NLGN4Y: variants seen among roughly 807,000 people sequenced by gnomAD.
The protein encoded by NLGN4Y is neuroligin-4, Y-linked.
NLGN4Y carries 4 observed loss-of-function variants against 8.4 expected under a neutral mutation model. The observed-to-expected ratio is 0.48, with a 90% CI of 0.23 to 1.09. The LOEUF (loss-of-function observed/expected upper bound fraction) is 1.09. Among genes scored for constraint, NLGN4Y ranks in the 50% least tolerant of loss-of-function variants. The pLI, the probability that NLGN4Y is intolerant of heterozygous loss-of-function variation, is 0.19. For synonymous variants in NLGN4Y, 35 were observed against 75.6 expected, an observed-to-expected ratio of 0.46 and a Z score of 2.78; for missense variants, 90 against 192.3, an observed-to-expected ratio of 0.47 and a Z score of 3.15.
At position 14,628,358 on chromosome Y, in the gene NLGN4Y, G is replaced by A. The variant is rs1006629767; in HGVS notation, c.472+5767G>A. Among the ~76,000 whole-genome samples the A allele has an allele frequency of 1.5e-4, 5 of 33,869 alleles. No homozygotes were observed. The East Asian group carries it at 3.9e-3, about 26-fold the overall frequency. 90.9% of individuals were successfully genotyped at this position (33,869 alleles called of 37,273 possible). ...TCTATTACTTAAGTAAACATGCCAC[G>A]ATTAGTGATTGAAGACCTATTCGGT... is the stretch of plus-strand genomic sequence containing the variant. On this transcript the variant is annotated intron_variant, in intron 2 of 6. Coordinates refer to ENST00000684976, the MANE Select transcript of NLGN4Y (RefSeq NM_001365588.1).
intron 4 of NLGN4Y, among the ~76,000 whole-genome samples, chrY:14,788,962 CT>C (rs377294035): frequency 2.9e-4 from 8 of 27,223 alleles, no homozygotes; most frequent in South Asian, 1.7e-3. Context: ...CATGCCCTTT[CT>C]TTTTTTTTTT....
At chrY:14,802,747 T>C (rs2043039497) in intron 4 of NLGN4Y, among the ~76,000 whole-genome samples, 1 of 16,989 alleles carries the variant, frequency 5.9e-5, no homozygotes, top group Non-Finnish European at 1.1e-4. Context: ...TAATTATATA[T>C]TATACATTAT....
chrY:14,599,549 C>T, intron 1 of NLGN4Y, among the ~76,000 whole-genome samples: 1 of 32,918 alleles, frequency 3.0e-5, no homozygotes, highest in African/African-American at 1.2e-4. Context: ...AACACCCTCA[C>T]AGAGACACCT....
intron 1 of NLGN4Y, among the ~76,000 whole-genome samples, chrY:14,600,131 C>G: frequency 3.2e-5 from 1 of 31,597 alleles, no homozygotes; most frequent in East Asian, 8.0e-4. Context: ...ATGTATAAAA[C>G]AGTTTTTCAA....
At position 14,842,617 on chromosome Y, in the gene NLGN4Y, A is replaced by G; in HGVS notation, c.*1355A>G. 1.7e-5 allele frequency: 2 copies of G among 120,684 alleles called. No homozygotes were observed. Among genetic ancestry groups the G allele is most frequent in the Non-Finnish European group, 3.6e-5 (2 of 56,025 alleles). The allele number at this position is 120,684 out of a possible 400,897, so 30.1% of individuals were successfully genotyped here. A position where few individuals can be genotyped will look rare whatever the true frequency, so the allele number is the denominator to read the frequency against. Reference sequence around the variant, plus strand: ...TTTTTAAAAATCTTTTATGTCATTTATAGGATAAAACATATGCTTGTCTGA... The same window carrying G: ...TTTTTAAAAATCTTTTATGTCATTTGTAGGATAAAACATATGCTTGTCTGA... On this transcript the variant is annotated 3_prime_UTR_variant, in exon 7 of 7. Transcript: ENST00000684976.
intron 1 of NLGN4Y, among the ~76,000 whole-genome samples, chrY:14,560,196 T>C (rs976916136): frequency 9.0e-5 from 3 of 33,319 alleles, no homozygotes; most frequent in Non-Finnish European, 1.5e-4. Flanking sequence ...ATTTCTCTTA[T>C]GGAATGTCAT....
At chrY:14,796,465 G>A (rs2043010128) in intron 4 of NLGN4Y, among the ~76,000 whole-genome samples, 1 of 30,496 alleles carries the variant, frequency 3.3e-5, no homozygotes, top group African/African-American at 1.3e-4. Flanking sequence ...GAGGTGGCGG[G>A]CGCCTGTAGT....
chrY:14,723,391 G>T, intron 4 of NLGN4Y, 122 bp downstream of exon 4: 1 of 210,423 alleles, frequency 4.8e-6, no homozygotes, highest in South Asian at 4.0e-5. Context: ...TCCACTTTAC[G>T]GTATTTACTT....
chrY:14,532,392 C>G, intron 1 of NLGN4Y, among the ~76,000 whole-genome samples: 1 of 33,586 alleles, frequency 3.0e-5, no homozygotes. Flanking sequence ...GTTTAGTGCT[C>G]TAGTTAATGG....
At chrY:14,691,670 T>C in intron 2 of NLGN4Y, among the ~76,000 whole-genome samples, 1 of 33,400 alleles carries the variant, frequency 3.0e-5, no homozygotes, top group Non-Finnish European at 7.5e-5. Context: ...TATTTTAAAG[T>C]AATGGTTTAC....
intron 4 of NLGN4Y, among the ~76,000 whole-genome samples, chrY:14,771,102 C>A (rs2081106854): frequency 3.2e-5 from 1 of 31,731 alleles, no homozygotes; most frequent in Non-Finnish European, 7.7e-5. Context: ...AAAGTGACAG[C>A]GAGAATGGAA....
chrY:14,573,703 A>G (rs2080284513), intron 1 of NLGN4Y, among the ~76,000 whole-genome samples: 1 of 33,483 alleles, frequency 3.0e-5, no homozygotes, highest in African/African-American at 1.2e-4. Context: ...TGTCAATTTT[A>G]GATTTTTCCT....
Position 14,844,255 on chromosome Y carries a change from T to C in NLGN4Y, c.*2993T>C. 1.4e-5 allele frequency: 1 copy of C among 70,976 alleles called. No homozygotes were observed. The highest frequency in any genetic ancestry group is 3.1e-5 in the Non-Finnish European group (1 of 32,774). 17.7% of individuals were successfully genotyped at this position (70,976 alleles called of 400,897 possible). ...TTATTTCTACCACTGTTCATTCTTG[T>C]GTCTCTGTGTTTTGATTTGTGTTCA... On this transcript the variant is annotated 3_prime_UTR_variant, in exon 7 of 7. Transcript: ENST00000684976.
chrY:14,799,402 G>C, intron 4 of NLGN4Y, among the ~76,000 whole-genome samples: 1 of 33,622 alleles, frequency 3.0e-5, no homozygotes, highest in Non-Finnish European at 7.4e-5. Context: ...TTTATGTTCT[G>C]TTATTGCTCT....
intron 4 of NLGN4Y, among the ~76,000 whole-genome samples, chrY:14,728,571 G>C (rs927788654): frequency 3.0e-5 from 1 of 33,756 alleles, no homozygotes; most frequent in Admixed American, 2.7e-4. Flanking sequence ...CTGTAAAAAG[G>C]AAGGAAATTC....
chrY:14,753,699 T>C (rs2081049301), intron 4 of NLGN4Y, among the ~76,000 whole-genome samples: 2 of 31,665 alleles, frequency 6.3e-5, no homozygotes, highest in Non-Finnish European at 7.6e-5. Context: ...GAATTATATA[T>C]TCATATGCTT....
At chrY:14,656,464 GT>G (rs2080651875) in intron 2 of NLGN4Y, among the ~76,000 whole-genome samples, 1 of 30,897 alleles carries the variant, frequency 3.2e-5, no homozygotes, top group African/African-American at 1.3e-4. Flanking sequence ...GTGCAGGCCT[GT>G]AGTCCTAGCT....
chrY:14,827,722 C>A, intron 5 of NLGN4Y, among the ~76,000 whole-genome samples: 2 of 33,441 alleles, frequency 6.0e-5, no homozygotes, highest in Non-Finnish European at 1.5e-4. Flanking sequence ...GCAGAGGCTG[C>A]AGCAAGCCAA....
intron 1 of NLGN4Y, among the ~76,000 whole-genome samples, chrY:14,529,562 G>A: frequency 1.2e-4 from 4 of 32,559 alleles, no homozygotes; most frequent in Non-Finnish European, 3.0e-4. Flanking sequence ...GTCAGTCAGA[G>A]CTGTTCAGCA....
Sources: allele counts gnomAD v4.1 joint callset (sites outside exome capture counted in the v4.1 genomes callset), GRCh38; gene constraint gnomAD v4.1.1; transcripts MANE v1.5; gene names NCBI Gene and HGNC (gene_info 2026-07-23, HGNC 2026-07-21).